Variants in PPM1E observed in about 807,000 individuals in gnomAD.
The protein encoded by PPM1E is protein phosphatase, Mg2+/Mn2+ dependent 1E, also known as protein phosphatase 1E.
In PPM1E, 20 loss-of-function variants were observed where a neutral mutation model predicts 65.9. The ratio of observed to expected loss-of-function variants is 0.30; its 90% CI spans 0.21 to 0.44. The LOEUF is 0.44. Ranked by LOEUF, PPM1E falls within the 20% of genes least tolerant of loss-of-function variation. The pLI is 1.00. For missense variants in PPM1E, 713 were observed against 953.1 expected (o/e 0.75, Z 3.32); for synonymous variants, 352 against 374.9 (o/e 0.94, Z 0.70).
intron 1 of PPM1E, among the ~76,000 whole-genome samples, chr17:58,896,145 G>A (rs2051413611): frequency 1.3e-5 from 2 of 150,952 alleles, no homozygotes; most frequent in South Asian, 2.1e-4. Flanking sequence ...AAGAAAAAGC[G>A]AAACAGCCTT....
intron 1 of PPM1E, among the ~76,000 whole-genome samples, chr17:58,948,403 C>T (rs1304677418): frequency 6.6e-6 from 1 of 151,918 alleles, no homozygotes; most frequent in Non-Finnish European, 1.5e-5. Flanking sequence ...GCTTGAGGTC[C>T]AAGATTTCAT....
chr17:58,769,204 G>A (rs974057464), intron 1 of PPM1E, among the ~76,000 whole-genome samples: 2 of 151,862 alleles, frequency 1.3e-5, no homozygotes, highest in African/African-American at 2.4e-5. Context: ...ATAGCTGAAG[G>A]TACCTATTTT....
intron 1 of PPM1E, among the ~76,000 whole-genome samples, chr17:58,907,098 T>C (rs1270516214): frequency 6.6e-6 from 1 of 152,130 alleles, no homozygotes; most frequent in African/African-American, 2.4e-5. Context: ...AAAAAAAATT[T>C]AGTCGAGCGT....
At chr17:58,795,155 G>A (rs1392420610) in intron 1 of PPM1E, among the ~76,000 whole-genome samples, 1 of 152,084 alleles carries the variant, frequency 6.6e-6, no homozygotes, top group Non-Finnish European at 1.5e-5. Context: ...GCCTCCCAAA[G>A]TGCTGAGATT....
chr17:58,771,597 TG>T (rs2049939394), intron 1 of PPM1E, among the ~76,000 whole-genome samples: 2 of 149,726 alleles, frequency 1.3e-5, no homozygotes, highest in Non-Finnish European at 3.0e-5. Flanking sequence ...CACTCCAGCC[TG>T]GCAACAGAGT....
At chr17:58,908,028 A>C (rs2051579849) in intron 1 of PPM1E, among the ~76,000 whole-genome samples, 1 of 147,226 alleles carries the variant, frequency 6.8e-6, no homozygotes, top group Admixed American at 6.7e-5. Context: ...ACTGTTTTCT[A>C]TTTGCTGCCT....
chr17:58,777,753 A>G (rs2050007736), intron 1 of PPM1E, among the ~76,000 whole-genome samples: 1 of 152,202 alleles, frequency 6.6e-6, no homozygotes, highest in South Asian at 2.1e-4. Context: ...AATTTAGTCT[A>G]TGGAGTTTCC....
At chr17:58,905,046 CA>C (rs1208656318) in intron 1 of PPM1E, among the ~76,000 whole-genome samples, 3 of 151,868 alleles carry the variant, frequency 2.0e-5, no homozygotes, top group African/African-American at 7.3e-5. Context: ...AAACAAACAA[CA>C]AAAAACAACA....
At chr17:58,840,132 T>C (rs780786123) in intron 1 of PPM1E, among the ~76,000 whole-genome samples, 8 of 152,210 alleles carry the variant, frequency 5.3e-5, no homozygotes, top group Non-Finnish European at 1.0e-4. Flanking sequence ...AGCTTCCAGT[T>C]TCTTCTCCTG....
At chr17:58,868,207 G>T (rs1273594928) in intron 1 of PPM1E, among the ~76,000 whole-genome samples, 1 of 152,080 alleles carries the variant, frequency 6.6e-6, no homozygotes, top group African/African-American at 2.4e-5. Flanking sequence ...GTGCACACCT[G>T]CAGTCCCAGC....
intron 1 of PPM1E, among the ~76,000 whole-genome samples, chr17:58,904,578 T>C (rs552358437): frequency 1.3e-5 from 2 of 152,310 alleles, no homozygotes; most frequent in African/African-American, 4.8e-5. Flanking sequence ...TTGTGTTGAA[T>C]TTATAGATCA....
chr17:58,771,366 G>C (rs955778999), intron 1 of PPM1E, among the ~76,000 whole-genome samples: 1 of 151,632 alleles, frequency 6.6e-6, no homozygotes, highest in African/African-American at 2.4e-5. Context: ...GGCCGGGCAT[G>C]GTGGCTCCCA....
At chr17:58,848,709 A>G (rs570446417) in intron 1 of PPM1E, among the ~76,000 whole-genome samples, 8 of 152,182 alleles carry the variant, frequency 5.3e-5, no homozygotes, top group Non-Finnish European at 1.0e-4. Context: ...ATTGATGTTC[A>G]TCAGGGATAT....
At chr17:58,805,939 G>A (rs1190185017) in intron 1 of PPM1E, among the ~76,000 whole-genome samples, 2 of 115,656 alleles carry the variant, frequency 1.7e-5, no homozygotes, top group Non-Finnish European at 3.3e-5. Flanking sequence ...GGAGGTTCAG[G>A]CTGTTCTGCT....
chr17:58,953,722 CTAGGACATCTCAGA>C (rs1361125652), intron 1 of PPM1E, among the ~76,000 whole-genome samples: 1 of 150,848 alleles, frequency 6.6e-6, no homozygotes, highest in Non-Finnish European at 1.5e-5. Context: ...GACACGTTGA[CTAGGACATCTCAGA>C]TATTTCCATC....
chr17:58,854,575 G>A (rs1310492373), intron 1 of PPM1E, among the ~76,000 whole-genome samples: 1 of 152,008 alleles, frequency 6.6e-6, no homozygotes, highest in Non-Finnish European at 1.5e-5. Context: ...TTACAGTGAG[G>A]TAGTTTCCTT....
At chr17:58,813,826 T>C (rs1337622818) in intron 1 of PPM1E, among the ~76,000 whole-genome samples, 3 of 152,182 alleles carry the variant, frequency 2.0e-5, no homozygotes. Context: ...TAGACATATG[T>C]ACTGGAGGCA....
At chr17:58,760,138 T>C (rs2049808007) in intron 1 of PPM1E, among the ~76,000 whole-genome samples, 1 of 152,196 alleles carries the variant, frequency 6.6e-6, no homozygotes, top group Non-Finnish European at 1.5e-5. Context: ...TGCCTACCCC[T>C]TTAATATTGG....
intron 1 of PPM1E, among the ~76,000 whole-genome samples, chr17:58,899,159 T>C (rs2051464054): frequency 6.7e-6 from 1 of 150,238 alleles, no homozygotes. Context: ...AAGTATAATA[T>C]ATAAAAAAAA....
Sources: gnomAD v4.1 joint callset for allele counts (sites outside exome capture counted in the v4.1 genomes callset) on GRCh38, gnomAD v4.1.1 for gene constraint, MANE v1.5 for transcripts, NCBI Gene and HGNC (gene_info 2026-07-23, HGNC 2026-07-21) for gene names.